The following SGCZ variants were observed in gnomAD, a reference collection of about 807,000 sequenced individuals.
SGCZ encodes the protein sarcoglycan zeta.
SGCZ carries 40 observed loss-of-function variants against 41.3 expected under a neutral mutation model. That is an observed-to-expected ratio of 0.97 (90% CI 0.75 to 1.26). The LOEUF (loss-of-function observed/expected upper bound fraction) is 1.26. Ranked by LOEUF, SGCZ falls within the 50% of genes most tolerant of loss-of-function variation. The pLI, the probability that SGCZ is intolerant of heterozygous loss-of-function variation, is 0.00. For synonymous variants in SGCZ, 206 were observed against 137.5 expected, an observed-to-expected ratio of 1.50 and a Z score of -3.49; for missense variants, 552 against 369.8, an observed-to-expected ratio of 1.49 and a Z score of -4.04.
chr8:14,723,339 G>A (rs796300214), intron 1 of SGCZ, among the ~76,000 whole-genome samples: 11 of 152,310 alleles, frequency 7.2e-5, no homozygotes, highest in African/African-American at 2.6e-4. Context: ...AAAGCTCTTG[G>A]GGAAGAGGTG....
intron 1 of SGCZ, among the ~76,000 whole-genome samples, chr8:15,093,235 T>A (rs1806216614): frequency 6.6e-6 from 1 of 152,194 alleles, no homozygotes; most frequent in Non-Finnish European, 1.5e-5. Context: ...AAGAGTTGCC[T>A]CTCACTGAAA....
chr8:14,548,930 T>C (rs1227450467), intron 2 of SGCZ, among the ~76,000 whole-genome samples: 2 of 152,030 alleles, frequency 1.3e-5, no homozygotes, highest in African/African-American at 4.8e-5. Flanking sequence ...TCTACTGCAG[T>C]TGGTGAGGCT....
At chr8:14,846,927 C>G (rs1050498898) in intron 1 of SGCZ, among the ~76,000 whole-genome samples, 3 of 151,862 alleles carry the variant, frequency 2.0e-5, no homozygotes, top group Non-Finnish European at 2.9e-5. Context: ...AAGAAATTAG[C>G]TGGGCGTGGT....
intron 1 of SGCZ, among the ~76,000 whole-genome samples, chr8:14,905,262 G>A (rs1799088729): frequency 1.3e-5 from 2 of 151,796 alleles, no homozygotes; most frequent in African/African-American, 4.8e-5. Flanking sequence ...GGAAAAAATA[G>A]ACAAAAGCTA....
Position 14,086,346 on chromosome 8 carries a change from C to A in SGCZ, c.*4097G>T, listed in dbSNP as rs541413932. Reference sequence around the variant, plus strand: ...GCATTAGACGCTCTCCAGGCTATTGCTGCCTCATACAGAGATACCATGTTT... The same window carrying A: ...GCATTAGACGCTCTCCAGGCTATTGATGCCTCATACAGAGATACCATGTTT... On this transcript the variant is annotated 3_prime_UTR_variant, in exon 8 of 8. Coordinates refer to ENST00000382080, the MANE Select transcript of SGCZ (RefSeq NM_139167.4). Among the ~76,000 whole-genome samples, 3 of 151,662 alleles carry A rather than the reference C, an allele frequency of 2.0e-5. No homozygotes were observed. The highest frequency in any genetic ancestry group is 4.4e-5 in the Non-Finnish European group (3 of 67,742).
At chr8:14,424,959 T>C (rs1367196401) in intron 2 of SGCZ, among the ~76,000 whole-genome samples, 1 of 152,220 alleles carries the variant, frequency 6.6e-6, no homozygotes, top group East Asian at 1.9e-4. Context: ...AAAATATTTA[T>C]CAGGGTAATT....
At chr8:15,121,828 C>T (rs1382253361) in intron 1 of SGCZ, among the ~76,000 whole-genome samples, 1 of 146,638 alleles carries the variant, frequency 6.8e-6, no homozygotes, top group Non-Finnish European at 1.5e-5. Context: ...CAGAAGACAG[C>T]AGTATGTTCT....
chr8:14,953,278 A>G (rs753774842), intron 1 of SGCZ, among the ~76,000 whole-genome samples: 19 of 152,246 alleles, frequency 1.2e-4, no homozygotes, highest in Admixed American at 2.0e-4. Context: ...GGCAGAGCAG[A>G]TGAGAGAGAC....
At chr8:14,148,323 T>A (rs1043085038) in intron 5 of SGCZ, among the ~76,000 whole-genome samples, 3 of 151,644 alleles carry the variant, frequency 2.0e-5, no homozygotes, top group African/African-American at 7.3e-5. Context: ...GAAAAAAAGA[T>A]ACAAATAAAT....
chr8:14,538,395 G>A (rs1231413021), intron 2 of SGCZ, among the ~76,000 whole-genome samples: 1 of 151,892 alleles, frequency 6.6e-6, no homozygotes, highest in African/African-American at 2.4e-5. Context: ...ATCAACACAT[G>A]TATTCAATAT....
chr8:14,302,941 T>C (rs968205783), intron 3 of SGCZ, among the ~76,000 whole-genome samples: 4 of 152,154 alleles, frequency 2.6e-5, no homozygotes, highest in Admixed American at 2.6e-4. Context: ...GACCCCAAAC[T>C]TTCTTTCCAG....
At chr8:14,817,484 G>A (rs369822624) in intron 1 of SGCZ, among the ~76,000 whole-genome samples, 6 of 152,164 alleles carry the variant, frequency 3.9e-5, no homozygotes, top group Admixed American at 2.0e-4. Context: ...CTACAGCACA[G>A]CACCATCTTG....
intron 1 of SGCZ, among the ~76,000 whole-genome samples, chr8:14,826,324 A>C (rs1040559408): frequency 3.9e-5 from 6 of 152,064 alleles, no homozygotes; most frequent in Admixed American, 3.3e-4. Context: ...TTCTTAATCC[A>C]GTCTATCATG....
At chr8:15,040,541 C>G (rs988690307) in intron 1 of SGCZ, among the ~76,000 whole-genome samples, 17 of 152,054 alleles carry the variant, frequency 1.1e-4, no homozygotes, top group African/African-American at 4.1e-4. Context: ...CGCTTGTAAC[C>G]GGGAGGCGGA....
At chr8:15,103,867 T>C (rs1038836623) in intron 1 of SGCZ, among the ~76,000 whole-genome samples, 3 of 152,152 alleles carry the variant, frequency 2.0e-5, no homozygotes, top group African/African-American at 4.8e-5. Flanking sequence ...ATGCAAAGCA[T>C]ACAAATACGA....
At chr8:14,776,030 T>C (rs1371004850) in intron 1 of SGCZ, among the ~76,000 whole-genome samples, 1 of 152,158 alleles carries the variant, frequency 6.6e-6, no homozygotes, top group African/African-American at 2.4e-5. Context: ...AATATCATTA[T>C]GAAATGAGTA....
intron 4 of SGCZ, among the ~76,000 whole-genome samples, chr8:14,193,693 T>A (rs1463391479): frequency 6.6e-6 from 1 of 152,010 alleles, no homozygotes; most frequent in African/African-American, 2.4e-5. Flanking sequence ...TATTCTGAAA[T>A]AGCATAAAGA....
chr8:14,513,382 C>G (rs542612580), intron 2 of SGCZ, among the ~76,000 whole-genome samples: 1 of 152,002 alleles, frequency 6.6e-6, no homozygotes, highest in African/African-American at 2.4e-5. Context: ...TTTTACTATA[C>G]TGTTGTGTTA....
chr8:14,867,357 G>A (rs1178646670), intron 1 of SGCZ, among the ~76,000 whole-genome samples: 1 of 151,920 alleles, frequency 6.6e-6, no homozygotes, highest in African/African-American at 2.4e-5. Flanking sequence ...TATCACTGTT[G>A]GGCATTTAGG....
Sources: gnomAD v4.1 joint callset for allele counts (sites outside exome capture counted in the v4.1 genomes callset) on GRCh38, gnomAD v4.1.1 for gene constraint, MANE v1.5 for transcripts, NCBI Gene and HGNC (gene_info 2026-07-23, HGNC 2026-07-21) for gene names.